YWHAB: variants seen among roughly 807,000 people sequenced by gnomAD.
YWHAB encodes 14-3-3 protein beta/alpha.
Under a neutral mutation model 28.5 loss-of-function variants are expected in YWHAB, and 2 were observed. The ratio of observed to expected loss-of-function variants is 0.07; its 90% CI spans 0.03 to 0.22. The LOEUF (loss-of-function observed/expected upper bound fraction) is 0.22, where lower values mean the gene tolerates loss of function less well. Ranked by LOEUF, YWHAB falls within the 10% of genes least tolerant of loss-of-function variation. The probability of loss-of-function intolerance (pLI) is 1.00; values close to 1 mark genes in which losing one functional copy is unlikely to be tolerated. For synonymous variants in YWHAB, 103 were observed against 104.7 expected, an observed-to-expected ratio of 0.98 and a Z score of 0.10; for missense variants, 148 against 297.1, an observed-to-expected ratio of 0.50 and a Z score of 3.69.
Position 44,898,973 on chromosome 20 carries a change from G to A in YWHAB, c.-3-2558G>A, listed in dbSNP as rs993684513. Among the ~76,000 whole-genome samples the A allele has an allele frequency of 1.2e-4, 18 of 151,620 alleles. No individual in the cohort carries two copies. In the East Asian group the frequency reaches 3.1e-3, roughly 26 times the overall value. Reference sequence around the variant, plus strand: ...CTCTACTAAAAATACAAAATCAGCCGAGTGTGGTGGTGCATGCCAGCAGTC... The same window carrying A: ...CTCTACTAAAAATACAAAATCAGCCAAGTGTGGTGGTGCATGCCAGCAGTC... On this transcript the variant is annotated intron_variant, in intron 1 of 5. Transcript: ENST00000353703.
intron 1 of YWHAB, among the ~76,000 whole-genome samples, chr20:44,893,675 A>C (rs1017769768): frequency 7.3e-6 from 1 of 136,998 alleles, no homozygotes; most frequent in African/African-American, 2.8e-5. Context: ...TGTACCATCT[A>C]TCTCCTTCCC....
chr20:44,894,905 C>T (rs1290226689), intron 1 of YWHAB, among the ~76,000 whole-genome samples: 2 of 152,214 alleles, frequency 1.3e-5, no homozygotes, highest in Non-Finnish European at 2.9e-5. Flanking sequence ...TTGTGCTCTC[C>T]CAATAATGAT....
intron 1 of YWHAB, among the ~76,000 whole-genome samples, chr20:44,895,546 G>T (rs910711433): frequency 6.6e-6 from 1 of 152,298 alleles, no homozygotes; most frequent in Non-Finnish European, 1.5e-5. Flanking sequence ...ATGGCTCAGT[G>T]CATCCCTGGC....
intron 1 of YWHAB, chr20:44,886,545 A>T (rs1169595135): frequency 3.9e-5 from 6 of 152,264 alleles, no homozygotes; most frequent in Admixed American, 3.9e-4. Context: ...CCGGATCCCC[A>T]GGAAAAAATA....
intron 1 of YWHAB, 140 bp from the exon 2 acceptor site, chr20:44,901,391 A>ACTG (rs1568932330): frequency 1.1e-6 from 1 of 878,924 alleles, no homozygotes; most frequent in Admixed American, 2.6e-5. Context: ...TATATCATCA[A>ACTG]TATTGTTGAT....
chr20:44,897,192 G>A (rs1269580916), intron 1 of YWHAB, among the ~76,000 whole-genome samples: 3 of 152,204 alleles, frequency 2.0e-5, no homozygotes, highest in African/African-American at 7.2e-5. Flanking sequence ...AGAAGTAAAA[G>A]GGGGATAGCT....
chr20:44,887,055 A>T (rs2066532452), intron 1 of YWHAB: 1 of 152,220 alleles, frequency 6.6e-6, no homozygotes. Context: ...ACACAGATGC[A>T]GTTTGTAGAC....
At chr20:44,905,912 A>G in intron 4 of YWHAB, 89 bp from the exon 5 acceptor site, 4 of 946,870 alleles carry the variant, frequency 4.2e-6, no homozygotes, top group South Asian at 1.5e-5. Context: ...GTACAAGAAG[A>G]TAAGTTATAT....
chr20:44,895,469 A>G (rs2066590331), intron 1 of YWHAB, among the ~76,000 whole-genome samples: 1 of 152,108 alleles, frequency 6.6e-6, no homozygotes, highest in Admixed American at 6.5e-5. Flanking sequence ...TAATTTAGGA[A>G]GAGTAATTTT....
chr20:44,888,996 G>A lies in YWHAB; in HGVS notation c.-4+3110G>A, dbSNP rs77724889. On this transcript the variant is annotated intron_variant, in intron 1 of 5. Transcript: ENST00000353703. ...TCCTGTTGTGCTACCTGCTCTTTCG[G>A]TGTCAACAAACTGAGTTTTCCTTTA... Among the ~76,000 whole-genome samples the A allele has an allele frequency of 4.7e-3, 709 of 152,242 alleles. 6 individuals are homozygous for A. Among genetic ancestry groups the A allele is most frequent in the African/African-American group, 0.016 (651 of 41,536 alleles).
In YWHAB at chr20:44,906,247, T is replaced by A. The variant is rs991110913; in HGVS notation, c.685-135T>A. 1.7e-5 allele frequency: 20 copies of A among 1,155,846 alleles called. 1 individual carries two copies. In the African/African-American group the frequency reaches 2.9e-4, roughly 17 times the overall value. 71.6% of individuals were successfully genotyped at this position (1,155,846 alleles called of 1,614,324 possible). A position where few individuals can be genotyped will look rare whatever the true frequency, so the allele number is the denominator to read the frequency against. Reference sequence around the variant, plus strand: ...ATAAATGACTGCTGAAGTTTTGACCTTTGCAATCATCCCTGTCTGCAGTGA... The same window carrying A: ...ATAAATGACTGCTGAAGTTTTGACCATTGCAATCATCCCTGTCTGCAGTGA... On this transcript the variant is annotated intron_variant, in intron 5 of 5. Transcript: ENST00000353703.
chr20:44,903,178 G>A (rs778063417), intron 2 of YWHAB: 4 of 833,546 alleles, frequency 4.8e-6, no homozygotes, highest in Non-Finnish European at 5.8e-6. Context: ...CTCTTTGAGT[G>A]CTTACTACGT....
intron 1 of YWHAB, among the ~76,000 whole-genome samples, chr20:44,898,104 C>G (rs2066606214): frequency 6.6e-6 from 1 of 152,144 alleles, no homozygotes; most frequent in South Asian, 2.1e-4. Context: ...TACCATGTGG[C>G]CTCTTCTGAC....
At chr20:44,903,016 A>G in intron 2 of YWHAB, 1 of 983,522 alleles carries the variant, frequency 1.0e-6, no homozygotes, top group Non-Finnish European at 1.2e-6. Flanking sequence ...AGAGCTTGGT[A>G]CTTACTGCCT....
chr20:44,898,304 T>G (rs2066607212), intron 1 of YWHAB, among the ~76,000 whole-genome samples: 1 of 152,206 alleles, frequency 6.6e-6, no homozygotes, highest in East Asian at 1.9e-4. Context: ...GTGATTTAGA[T>G]AATAAGCAGT....
intron 1 of YWHAB, among the ~76,000 whole-genome samples, chr20:44,899,686 T>C (rs186708428): frequency 3.9e-5 from 6 of 152,360 alleles, no homozygotes; most frequent in Non-Finnish European, 4.4e-5. Flanking sequence ...AAATTACTTA[T>C]TAAAATTACC....
chr20:44,904,499 C>T (rs1039526002), intron 3 of YWHAB, among the ~76,000 whole-genome samples: 1 of 151,840 alleles, frequency 6.6e-6, no homozygotes, highest in African/African-American at 2.4e-5. Context: ...TGCTTCTGTG[C>T]CAAGTACTTC....
intron 1 of YWHAB, among the ~76,000 whole-genome samples, chr20:44,899,188 C>G (rs1285679617): frequency 6.6e-6 from 1 of 151,650 alleles, no homozygotes; most frequent in East Asian, 2.0e-4. Context: ...TTTGAAAATA[C>G]TGGCATTGGC....
intron 1 of YWHAB, among the ~76,000 whole-genome samples, chr20:44,893,694 C>CTTTTTTTT (rs3091859): frequency 8.7e-5 from 9 of 103,786 alleles, no homozygotes; most frequent in African/African-American, 2.4e-4. Context: ...CCTCCCCTGC[C>CTTTTTTTT]TTTTTTTTTT....
Sources: allele counts gnomAD v4.1 joint callset (sites outside exome capture counted in the v4.1 genomes callset), GRCh38; gene constraint gnomAD v4.1.1; transcripts MANE v1.5; gene names NCBI Gene and HGNC (gene_info 2026-07-23, HGNC 2026-07-21).